ARHGAP30: variants seen among roughly 807,000 people sequenced by gnomAD.
ARHGAP30 encodes rho GTPase-activating protein 30.
Under a neutral mutation model 72.0 loss-of-function variants are expected in ARHGAP30, and 23 were observed. That is an observed-to-expected ratio of 0.32 (90% CI 0.23 to 0.45). The LOEUF (loss-of-function observed/expected upper bound fraction) is 0.45. ARHGAP30 is among the 20% of genes least tolerant of loss of function. The pLI is 1.00. For missense variants in ARHGAP30, 1,319 were observed against 1,383.4 expected (o/e 0.95, Z 0.74); for synonymous variants, 576 against 528.2 (o/e 1.09, Z -1.24).
chr1:161,052,594 C>T (rs1455294164), intron 7 of ARHGAP30, 32 bp downstream of exon 7: 3 of 1,613,904 alleles, frequency 1.9e-6, no homozygotes, highest in South Asian at 2.2e-5. Flanking sequence ...AAGGTCGGTG[C>T]AGGGGAGGAA....
chr1:161,067,546 G>C (rs996928450), intron 1 of ARHGAP30, among the ~76,000 whole-genome samples: 4 of 149,644 alleles, frequency 2.7e-5, no homozygotes, highest in African/African-American at 9.9e-5. Flanking sequence ...CTCCAGCCTG[G>C]GACAGAGCAA....
At chr1:161,060,770 T>G (rs1652258280) in intron 1 of ARHGAP30, among the ~76,000 whole-genome samples, 1 of 150,214 alleles carries the variant, frequency 6.7e-6, no homozygotes, top group Admixed American at 6.6e-5. Flanking sequence ...GGCGCGATCT[T>G]TCCTTACTGC....
intron 3 of ARHGAP30, among the ~76,000 whole-genome samples, chr1:161,054,982 A>G (rs1224246555): frequency 6.6e-6 from 1 of 152,090 alleles, no homozygotes; most frequent in Non-Finnish European, 1.5e-5. Flanking sequence ...GTACTGGGAT[A>G]CTTCAGTGGC....
chr1:161,059,289 A>C (rs1258988970), intron 2 of ARHGAP30, among the ~76,000 whole-genome samples: 3 of 151,660 alleles, frequency 2.0e-5, no homozygotes, highest in Non-Finnish European at 1.5e-5. Flanking sequence ...TCAGCCTCCC[A>C]GAGTGCTGAG....
chr1:161,057,835 T>C (rs924187564), intron 2 of ARHGAP30, among the ~76,000 whole-genome samples: 1 of 151,408 alleles, frequency 6.6e-6, no homozygotes, highest in African/African-American at 2.4e-5. Context: ...ACCAACATGG[T>C]GAAACCCTGT....
At chr1:161,067,386 A>G (rs1310296044) in intron 1 of ARHGAP30, among the ~76,000 whole-genome samples, 4 of 152,102 alleles carry the variant, frequency 2.6e-5, no homozygotes, top group Non-Finnish European at 4.4e-5. Context: ...CCTGGCCAAC[A>G]TGGTGAAACC....
rs761202064 is a variant in ARHGAP30 at position 161,049,241 on chromosome 1, C to G, written c.1780G>C (p.Ala594Pro). 6.2e-7 allele frequency: 1 copy of G among 1,614,024 alleles called. No individual in the cohort carries two copies. The highest frequency in any genetic ancestry group is 1.7e-5 in the Admixed American group (1 of 60,004). Residue 594 changes from alanine (A) to proline (P), a missense_variant, in exon 12 of 12, where the codon GCT becomes CCT. Ala to Pro is a conservative substitution (Grantham distance 27, BLOSUM62 -1). This residue lies in a region of ARHGAP30 where 1,097 missense variants were observed against 1,045.2 expected (regional missense o/e 1.05). Coordinates refer to ENST00000368013, the MANE Select transcript of ARHGAP30 (RefSeq NM_001025598.2). Reference sequence around the variant, plus strand: ...TCCTCAACTTCAGGCCTGGGGCCAGCGGAGTCCAGGGAACAGCAGCTGGGG... The same window carrying G: ...TCCTCAACTTCAGGCCTGGGGCCAGGGGAGTCCAGGGAACAGCAGCTGGGG... ...LAPSCCSLDS[A>P]GPRPEVEEEN...
chr1:161,064,354 A>T (rs924867929), intron 1 of ARHGAP30, among the ~76,000 whole-genome samples: 3 of 152,272 alleles, frequency 2.0e-5, no homozygotes, highest in Non-Finnish European at 2.9e-5. Flanking sequence ...TTAATCAATT[A>T]TGAGAATCAA....
intron 3 of ARHGAP30, among the ~76,000 whole-genome samples, chr1:161,055,896 A>AAAAAT (rs1557926766): frequency 7.4e-4 from 88 of 119,654 alleles, no homozygotes; most frequent in African/African-American, 2.9e-3. Context: ...TAAATAAAAT[A>AAAAAT]AAATAAAATA....
At chr1:161,058,438 C>T (rs1486698864) in intron 2 of ARHGAP30, among the ~76,000 whole-genome samples, 4 of 151,848 alleles carry the variant, frequency 2.6e-5, no homozygotes, top group Non-Finnish European at 5.9e-5. Flanking sequence ...AGCAGCCTGG[C>T]TAACATAGTG....
rs1188806206 is a variant in ARHGAP30, at chr1:161,061,288, C to G, written c.98-1572G>C. Among the ~76,000 whole-genome samples the G allele has an allele frequency of 2.0e-5, 3 of 152,064 alleles. No individual in the cohort carries two copies. The East Asian group carries it at 5.8e-4, about 29-fold the overall frequency. ...TCAAGCAATTTTCCTGCCTCAGCCTCCCAAGTAGCTGGAATTACAGACACG... is the reference window on the plus strand; with the variant it reads ...TCAAGCAATTTTCCTGCCTCAGCCTGCCAAGTAGCTGGAATTACAGACACG... On this transcript the variant is annotated intron_variant, in intron 1 of 11. Transcript: ENST00000368013.
At position 161,052,913 on chromosome 1, in the gene ARHGAP30, C is replaced by A. The variant is rs528301668; in HGVS notation, c.665-116G>T. 22 of 1,287,418 alleles carry A rather than the reference C, an allele frequency of 1.7e-5. No individual in the cohort carries two copies. The East Asian group carries it at 3.7e-4, about 22-fold the overall frequency. 79.7% of individuals were successfully genotyped at this position (1,287,418 alleles called of 1,614,324 possible). On this transcript the variant is annotated intron_variant, in intron 6 of 11. Coordinates refer to ENST00000368013, the MANE Select transcript of ARHGAP30 (RefSeq NM_001025598.2). ...AGGTTAGGGATATATTCAGAAGCCC[C>A]TGAAGACAGTGCCTCCATGTCCATC... is the stretch of plus-strand genomic sequence containing the variant.
rs779412357 is a variant in ARHGAP30 at position 161,049,151 on chromosome 1, G to A, written c.1870C>T (p.Pro624Ser). ...DDLSPLLGPK[P>S]PIWKGSGSLE... ...CTCCCTGAACCCTTCCAGATTGGGGGTTTAGGTCCCAGAAGGGGACTTAGG... is the reference window on the plus strand; with the variant it reads ...CTCCCTGAACCCTTCCAGATTGGGGATTTAGGTCCCAGAAGGGGACTTAGG... The change falls in exon 12 of 12, where the codon CCC becomes TCC. Residue 624 changes from proline to serine, a missense_variant. Physicochemically the swap from Pro to Ser is moderately conservative, Grantham distance 74. Coordinates refer to ENST00000368013, the MANE Select transcript of ARHGAP30 (RefSeq NM_001025598.2). The A allele has an allele frequency of 9.9e-6, 16 of 1,614,076 alleles. No individual in the cohort carries two copies. Among genetic ancestry groups the A allele is most frequent in the Non-Finnish European group, 1.3e-5 (15 of 1,180,042 alleles).
chr1:161,059,319 G>A (rs189936103), intron 2 of ARHGAP30, among the ~76,000 whole-genome samples: 1,652 of 148,688 alleles, frequency 0.011, 31 homozygotes, highest in African/African-American at 0.039. Flanking sequence ...GTGAGCCACC[G>A]CGCCTGGCTC....
At chr1:161,066,239 G>A (rs1486687865) in intron 1 of ARHGAP30, among the ~76,000 whole-genome samples, 2 of 149,984 alleles carry the variant, frequency 1.3e-5, no homozygotes, top group Non-Finnish European at 3.0e-5. Flanking sequence ...ACAGCCAGGA[G>A]TTGGGTGGGA....
intron 1 of ARHGAP30, among the ~76,000 whole-genome samples, chr1:161,065,183 C>T (rs1652670715): frequency 6.6e-6 from 1 of 152,176 alleles, no homozygotes; most frequent in African/African-American, 2.4e-5. Flanking sequence ...ACCATGTTGG[C>T]CAGGCTGGCC....
At chr1:161,052,572 G>A (rs1651488008) in intron 7 of ARHGAP30, 29 bp from the exon 8 acceptor site, 1 of 1,613,952 alleles carries the variant, frequency 6.2e-7, no homozygotes, top group Admixed American at 1.7e-5. Flanking sequence ...CATAATTGGA[G>A]GTTGGAACAT....
In ARHGAP30 at chr1:161,069,404, G is replaced by T; in HGVS notation, c.97+124C>A. Reference sequence around the variant, plus strand: ...CCCACTTACAGTTCTCTTGAATGGTGACCCCAGGCCACTGCCCCTTCCCCA... The same window carrying T: ...CCCACTTACAGTTCTCTTGAATGGTTACCCCAGGCCACTGCCCCTTCCCCA... On this transcript the variant is annotated intron_variant, in intron 1 of 11. Transcript: ENST00000368013. The surrounding 1 kb of genome is among the most constrained non-coding windows in gnomAD (Gnocchi z 4.9). 1 of 902,092 alleles carries T rather than the reference G, an allele frequency of 1.1e-6. No individual in the cohort carries two copies. 55.9% of individuals were successfully genotyped at this position (902,092 alleles called of 1,614,324 possible).
intron 3 of ARHGAP30, among the ~76,000 whole-genome samples, chr1:161,055,895 TAA>T (rs370603133): frequency 5.4e-5 from 2 of 37,254 alleles, no homozygotes; most frequent in Admixed American, 2.1e-4. Context: ...ATAAATAAAA[TAA>T]AATAAAATAA....
Sources: gnomAD v4.1 joint callset for allele counts (sites outside exome capture counted in the v4.1 genomes callset) on GRCh38, gnomAD v4.1.1 for gene constraint, gnomAD v4.1.1 regional missense constraint, Gnocchi (gnomAD v3.1) non-coding constraint, MANE v1.5 for transcripts, NCBI Gene and HGNC (gene_info 2026-07-23, HGNC 2026-07-21) for gene names.